QTMAN: variants seen among roughly 807,000 people sequenced by gnomAD.
QTMAN encodes queuosine-tRNA mannosyltransferase.
the QTMAN span, among the ~76,000 whole-genome samples, chr2:144,144,185 C>T: frequency 1.1e-3 from 171 of 152,024 alleles, no homozygotes; most frequent in Admixed American, 3.2e-3. Context: ...GAGGAGGAAT[C>T]GAGAGCTGAA....
At chr2:144,231,490 TATA>T in the QTMAN span, among the ~76,000 whole-genome samples, 12 of 152,238 alleles carry the variant, frequency 7.9e-5, no homozygotes, top group East Asian at 1.9e-4. Context: ...CTAAAAAATA[TATA>T]ATGTCAAACT....
chr2:144,057,542 A>G, the QTMAN span, among the ~76,000 whole-genome samples: 1,734 of 152,320 alleles, frequency 0.011, 35 homozygotes, highest in African/African-American at 0.038. Flanking sequence ...CTCGGTCCCC[A>G]GAAATGGCAA....
the QTMAN span, among the ~76,000 whole-genome samples, chr2:144,129,277 A>G: frequency 6.6e-6 from 1 of 151,858 alleles, no homozygotes; most frequent in African/African-American, 2.4e-5. Context: ...CTAAATGTAA[A>G]TAAATTTAGA....
At chr2:144,317,137 A>G in the QTMAN span, among the ~76,000 whole-genome samples, 2 of 152,136 alleles carry the variant, frequency 1.3e-5, no homozygotes, top group Non-Finnish European at 2.9e-5. Flanking sequence ...CTTACTATCT[A>G]TCACAACACA....
the QTMAN span, among the ~76,000 whole-genome samples, chr2:144,279,653 A>G: frequency 6.6e-6 from 1 of 152,180 alleles, no homozygotes; most frequent in Non-Finnish European, 1.5e-5. Context: ...GGACCACACT[A>G]GTTTCAATTA....
At chr2:144,079,622 T>C in the QTMAN span, among the ~76,000 whole-genome samples, 4 of 152,044 alleles carry the variant, frequency 2.6e-5, no homozygotes, top group African/African-American at 9.6e-5. Context: ...AAGGTTAAAC[T>C]TCTTTCCATT....
the QTMAN span, among the ~76,000 whole-genome samples, chr2:144,256,131 CA>C: frequency 2.0e-5 from 3 of 150,340 alleles, no homozygotes; most frequent in Admixed American, 6.6e-5. Context: ...ATAACAACAA[CA>C]AAAAAAAATG....
chr2:144,245,517 C>A, the QTMAN span, among the ~76,000 whole-genome samples: 1 of 152,206 alleles, frequency 6.6e-6, no homozygotes, highest in South Asian at 2.1e-4. Context: ...TTTCAGGCAA[C>A]GAATCTGCTC....
At chr2:144,283,097 AT>A in the QTMAN span, among the ~76,000 whole-genome samples, 1 of 152,138 alleles carries the variant, frequency 6.6e-6, no homozygotes, top group Non-Finnish European at 1.5e-5. Flanking sequence ...TCCTTTTTTA[AT>A]AAACTGGTAA....
the QTMAN span, among the ~76,000 whole-genome samples, chr2:144,114,248 A>G: frequency 6.6e-6 from 1 of 152,334 alleles, no homozygotes; most frequent in East Asian, 1.9e-4. Context: ...TTTATTTTCT[A>G]ATAATCTTAG....
At chr2:144,239,172 GAAAAAAAAGAA>G in the QTMAN span, among the ~76,000 whole-genome samples, 1 of 125,198 alleles carries the variant, frequency 8.0e-6, no homozygotes, top group Admixed American at 7.9e-5. Context: ...AAAAAGAAAA[GAAAAAAAAGAA>G]AAAAAAAAGA....
the QTMAN span, among the ~76,000 whole-genome samples, chr2:144,188,412 T>G: frequency 4.6e-5 from 7 of 152,300 alleles, no homozygotes; most frequent in East Asian, 1.3e-3. Context: ...TTTGAACATA[T>G]CAGTTTCTTT....
At chr2:144,108,207 C>T in the QTMAN span, among the ~76,000 whole-genome samples, 2 of 152,178 alleles carry the variant, frequency 1.3e-5, no homozygotes, top group African/African-American at 2.4e-5. Flanking sequence ...GATAGGGATA[C>T]CCTCTCTCAC....
At chr2:144,138,613 C>T in the QTMAN span, among the ~76,000 whole-genome samples, 6 of 151,992 alleles carry the variant, frequency 3.9e-5, no homozygotes, top group Non-Finnish European at 7.4e-5. Context: ...TGGGGCCTTA[C>T]ACAGAAGCAA....
At chr2:144,023,441 G>A in the QTMAN span, among the ~76,000 whole-genome samples, 1 of 152,122 alleles carries the variant, frequency 6.6e-6, no homozygotes, top group Non-Finnish European at 1.5e-5. Flanking sequence ...ATAATTAGAA[G>A]AAAAATCAGA....
At chr2:144,166,442 G>A in the QTMAN span, among the ~76,000 whole-genome samples, 3 of 152,176 alleles carry the variant, frequency 2.0e-5, no homozygotes, top group South Asian at 6.2e-4. Context: ...TCAATTAATC[G>A]ACAAAGGTAT....
the QTMAN span, among the ~76,000 whole-genome samples, chr2:144,054,120 G>A: frequency 3.3e-5 from 5 of 152,068 alleles, no homozygotes; most frequent in Non-Finnish European, 5.9e-5. Flanking sequence ...CCTGGGAGGC[G>A]GAGCTGGCAG....
At chr2:144,099,389 A>G in the QTMAN span, among the ~76,000 whole-genome samples, 1 of 152,232 alleles carries the variant, frequency 6.6e-6, no homozygotes, top group Non-Finnish European at 1.5e-5. Context: ...CTAAGTAGGA[A>G]GAGAGTTGGA....
the QTMAN span, among the ~76,000 whole-genome samples, chr2:144,276,930 C>T: frequency 6.6e-6 from 1 of 152,102 alleles, no homozygotes; most frequent in Non-Finnish European, 1.5e-5. Flanking sequence ...TGGGGAGTGG[C>T]ACTGATTTAC....
Sources: gnomAD v4.1 joint callset for allele counts (sites outside exome capture counted in the v4.1 genomes callset) on GRCh38, gnomAD v4.1.1 for gene constraint, MANE v1.5 for transcripts, NCBI Gene and HGNC (gene_info 2026-07-23, HGNC 2026-07-21) for gene names.